Variants in MUC3A observed in about 807,000 individuals in gnomAD.
The protein encoded by MUC3A is mucin-3A.
In MUC3A, 109 loss-of-function variants were observed where a neutral mutation model predicts 109.0. That is an observed-to-expected ratio of 1.00 (90% CI 0.86 to 1.17). The LOEUF is 1.17. Ranked by LOEUF, MUC3A falls within the 50% of genes most tolerant of loss-of-function variation. The pLI, the probability that MUC3A is intolerant of heterozygous loss-of-function variation, is 0.00. For missense variants in MUC3A, 3,537 were observed against 2,469.4 expected (o/e 1.43, Z -9.16); for synonymous variants, 1,398 against 981.4 (o/e 1.42, Z -7.93).
Position 100,954,373 on chromosome 7 carries a change from C to T in MUC3A, c.2594C>T (p.Thr865Ile), listed in dbSNP as rs1345052536. Residue 865 changes from threonine (T) to isoleucine (I), a missense_variant, in exon 2 of 12, where the codon ACT becomes ATT. Transcript: ENST00000379458. Reference sequence around the variant, plus strand: ...ACAACTGTCATTCCCTCATCTCCCACTGTCCAGAATACAGAAATCTCAATC... The same window carrying T: ...ACAACTGTCATTCCCTCATCTCCCATTGTCCAGAATACAGAAATCTCAATC... ...RPTTVIPSSP[T>I]VQNTEISISV... The T allele has an allele frequency of 2.5e-6, 1 of 403,450 alleles. No homozygotes were observed. The highest frequency in any genetic ancestry group is 4.4e-6 in the Non-Finnish European group (1 of 229,540). 25.0% of individuals were successfully genotyped at this position (403,450 alleles called of 1,614,324 possible).
rs1171031869 is a variant in MUC3A at position 100,962,231 on chromosome 7, C to CAA, written c.9053-885_9053-884dup. On this transcript the variant is annotated intron_variant, in intron 3 of 11. Transcript: ENST00000379458. The stretch of plus-strand genomic sequence containing the variant: ...TGGGCGACAGAGCGAGACTCCGTCT[C>CAA]AAAAAAAAAAAAAAAAAAAAAAAAA... Among the ~76,000 whole-genome samples, 123 of 15,032 alleles carry CAA rather than the reference C, an allele frequency of 8.2e-3. 34 individuals are homozygous for CAA. The highest frequency in any genetic ancestry group is 0.01 in the Non-Finnish European group (86 of 8,350). The allele number at this position is 15,032 out of a possible 152,430, so 9.9% of individuals were successfully genotyped here. A position where few individuals can be genotyped will look rare whatever the true frequency, so the allele number is the denominator to read the frequency against.
chr7:100,957,027 A>G lies in MUC3A; in HGVS notation c.5248A>G (p.Thr1750Ala), dbSNP rs1254436073. ...ACTGACTCCTACCTCTGACATTTCC[A>G]CAGGATCTTTCAAAACAGCCGTGAG... The part of the protein sequence containing the change: ...TTLTPTSDIS[T>A]GSFKTAVSST... Residue 1750 changes from threonine (T) to alanine (A), a missense_variant, in exon 2 of 12, where the codon ACA becomes GCA. Coordinates refer to ENST00000379458, the MANE Select transcript of MUC3A (RefSeq NM_005960.2). The G allele has an allele frequency of 4.4e-6, 2 of 456,812 alleles. No homozygotes were observed. Among genetic ancestry groups the G allele is most frequent in the Non-Finnish European group, 7.7e-6 (2 of 260,654 alleles). 28.3% of individuals were successfully genotyped at this position (456,812 alleles called of 1,614,324 possible). A position where few individuals can be genotyped will look rare whatever the true frequency, so the allele number is the denominator to read the frequency against.
At chr7:100,966,997 A>G (rs1792606270) in intron 11 of MUC3A, 46 bp downstream of exon 11, 1 of 1,598,420 alleles carries the variant, frequency 6.3e-7, no homozygotes, top group Non-Finnish European at 8.5e-7. Flanking sequence ...CCCAGCCTCC[A>G]TTCCAGAATC....
Position 100,959,372 on chromosome 7 carries a change from C to G in MUC3A, c.7593C>G (p.Ser2531=). ...TRTHIISSSP[S]IQSTETSSLV... is the part of the protein sequence containing the mutation. Reference sequence around the variant, plus strand: ...CACACATCATTTCATCTTCTCCCTCCATCCAAAGTACAGAAACCTCATCCC... The same window carrying G: ...CACACATCATTTCATCTTCTCCCTCGATCCAAAGTACAGAAACCTCATCCC... The change falls in exon 2 of 12, where the codon TCC becomes TCG. Residue 2531 remains serine, a synonymous_variant. Transcript: ENST00000379458. 6.5e-7 allele frequency: 1 copy of G among 1,539,616 alleles called. No homozygotes were observed. Among genetic ancestry groups the G allele is most frequent in the Non-Finnish European group, 8.7e-7 (1 of 1,152,058 alleles).
intron 5 of MUC3A, chr7:100,964,126 T>G: frequency 2.5e-6 from 1 of 395,414 alleles, no homozygotes; most frequent in African/African-American, 2.0e-5. Context: ...CGGTGGATGA[T>G]GGCTTGATGC....
chr7:100,957,553 C>G lies in MUC3A; in HGVS notation c.5774C>G (p.Thr1925Ser). 1 of 1,570,288 alleles carries G rather than the reference C, an allele frequency of 6.4e-7. No individual in the cohort carries two copies. Among genetic ancestry groups the G allele is most frequent in the Non-Finnish European group, 8.6e-7 (1 of 1,167,590 alleles). The change falls in exon 2 of 12, where the codon ACT becomes AGT. Residue 1925 changes from threonine (T) to serine (S), a missense_variant. Transcript: ENST00000379458. Reference sequence around the variant, plus strand: ...CCCTCACACAGTACTCCCAGATTCACTTCTTCAATCACCACTACCGAGACC... The same window carrying G: ...CCCTCACACAGTACTCCCAGATTCAGTTCTTCAATCACCACTACCGAGACC... ...ETPSHSTPRF[T>S]SSITTTETPS...
At position 100,958,732 on chromosome 7, in the gene MUC3A, C is replaced by G. The variant is rs1362498806; in HGVS notation, c.6953C>G (p.Ser2318Ter). ...TCGATCACCACCACGGAGACCACCT[C>G]ACACAGTGCTCACAGCTTCACTTCT... ...TSSITTTETT[S>*]HSAHSFTSSI... The change falls in exon 2 of 12, where the codon TCA (serine) becomes TGA (stop). Residue 2318 changes from serine (S) to a stop codon, truncating the protein, a stop_gained. Transcript: ENST00000379458. LOFTEE classifies it high-confidence loss of function. 6.6e-7 allele frequency: 1 copy of G among 1,515,744 alleles called. No homozygotes were observed. The highest frequency in any genetic ancestry group is 1.8e-5 in the Admixed American group (1 of 55,974). 93.9% of individuals were successfully genotyped at this position (1,515,744 alleles called of 1,614,324 possible).
In MUC3A at chr7:100,952,346, T is replaced by A. The variant is rs748926272; in HGVS notation, c.567T>A (p.Ser189=). ...AAGGAACGTCAGCCATGACATCTTC[T>A]CCCTCTACCACCACTGCAAGGGAAA... ...TEKGTSAMTS[S]PSTTTARETP... The change falls in exon 2 of 12, where the codon TCT becomes TCA. Residue 189 remains serine, a synonymous_variant. Transcript: ENST00000379458. 1.3e-6 allele frequency: 2 copies of A among 1,598,510 alleles called. No homozygotes were observed. The highest frequency in any genetic ancestry group is 2.2e-5 in the South Asian group (2 of 91,088).
In MUC3A at chr7:100,964,854, G is replaced by C; in HGVS notation, c.9382+11G>C. ...GCCAGGACTCCCAGAGTGAGCCCAGGCTGGAGGGAGGGGCCAGGGCCTGAG... is the reference window on the plus strand; with the variant it reads ...GCCAGGACTCCCAGAGTGAGCCCAGCCTGGAGGGAGGGGCCAGGGCCTGAG... On this transcript the variant is annotated intron_variant, in intron 6 of 11. Transcript: ENST00000379458. The C allele has an allele frequency of 6.3e-7, 1 of 1,593,742 alleles. No individual in the cohort carries two copies. Among genetic ancestry groups the C allele is most frequent in the South Asian group, 1.1e-5 (1 of 90,726 alleles).
intron 8 of MUC3A, 87 bp downstream of exon 8, chr7:100,965,953 G>T: frequency 6.8e-7 from 1 of 1,478,908 alleles, no homozygotes; most frequent in East Asian, 2.4e-5. Flanking sequence ...CCCCGGCTCC[G>T]CGCCCTGGGC....
At position 100,967,192 on chromosome 7, in the gene MUC3A, C is replaced by G; in HGVS notation, c.*30C>G. 6.3e-7 allele frequency: 1 copy of G among 1,598,406 alleles called. No individual in the cohort carries two copies. Among genetic ancestry groups the G allele is most frequent in the Non-Finnish European group, 8.5e-7 (1 of 1,179,768 alleles). On this transcript the variant is annotated 3_prime_UTR_variant, in exon 12 of 12. Coordinates refer to ENST00000379458, the MANE Select transcript of MUC3A (RefSeq NM_005960.2). ...TGCGGGGCCCCTTCACCACCCCCTC[C>G]GCCCTGCCCCGGACACAAGGGTCTG...
At chr7:100,962,708 CTTTT>C (rs1023957408) in intron 3 of MUC3A, among the ~76,000 whole-genome samples, 2 of 134,312 alleles carry the variant, frequency 1.5e-5, no homozygotes, top group African/African-American at 5.6e-5. Context: ...CTTTCTCTTT[CTTTT>C]CTTTCCTTTC....
At position 100,954,805 on chromosome 7, in the gene MUC3A, C is replaced by T; in HGVS notation, c.3026C>T (p.Pro1009Leu). The T allele has an allele frequency of 9.9e-6, 4 of 404,748 alleles. No individual in the cohort carries two copies. The highest frequency in any genetic ancestry group is 1.7e-5 in the Non-Finnish European group (4 of 230,244). The allele number at this position is 404,748 out of a possible 1,614,324, so 25.1% of individuals were successfully genotyped here. The change falls in exon 2 of 12, where the codon CCC becomes CTC. Residue 1009 changes from proline to leucine, a missense_variant. Physicochemically the swap from Pro to Leu is moderately conservative, Grantham distance 98. Transcript: ENST00000379458. ...SLTTAMTSPPPVSSSITPTNT... is the reference protein window; with the variant it reads ...SLTTAMTSPPLVSSSITPTNT... Reference sequence around the variant, plus strand: ...ACAACAGCCATGACTTCTCCTCCCCCCGTCAGTTCTTCAATCACTCCCACC... The same window carrying T: ...ACAACAGCCATGACTTCTCCTCCCCTCGTCAGTTCTTCAATCACTCCCACC...
In MUC3A at chr7:100,959,480, C is replaced by A; in HGVS notation, c.7701C>A (p.Ser2567Arg). 2 of 1,580,556 alleles carry A rather than the reference C, an allele frequency of 1.3e-6. No individual in the cohort carries two copies. The highest frequency in any genetic ancestry group is 1.7e-5 in the Admixed American group (1 of 57,530). ...ITENTPISSF[S>R]TSIVVIPETP... ...AGAACACCCCAATCAGTTCCTTTAG[C>A]ACAAGTATTGTTGTTATACCTGAAA... The change falls in exon 2 of 12, where the codon AGC becomes AGA. Residue 2567 changes from serine to arginine, a missense_variant. Coordinates refer to ENST00000379458, the MANE Select transcript of MUC3A (RefSeq NM_005960.2).
chr7:100,959,567 T>G lies in MUC3A; in HGVS notation c.7788T>G (p.Pro2596=). The G allele has an allele frequency of 6.3e-7, 1 of 1,594,378 alleles. No homozygotes were observed. Among genetic ancestry groups the G allele is most frequent in the Non-Finnish European group, 8.5e-7 (1 of 1,177,588 alleles). ...CTGGGACCCAAACATCTCCTGCACC[T>G]ACTACTGTCACCTTTGGAAGTACGG... ...SATGTQTSPA[P]TTVTFGSTDS... is the part of the protein sequence containing the mutation. Residue 2596 remains proline, a synonymous_variant, in exon 2 of 12, where the codon CCT becomes CCG. Transcript: ENST00000379458.
At chr7:100,963,954 A>T in intron 5 of MUC3A, 1 of 708,210 alleles carries the variant, frequency 1.4e-6, no homozygotes, top group Non-Finnish European at 2.4e-6. Flanking sequence ...TCTCTTCTTC[A>T]GCACACTGGA....
At chr7:100,963,038 C>A in intron 3 of MUC3A, 113 bp from the exon 4 acceptor site, 1 of 1,231,536 alleles carries the variant, frequency 8.1e-7, no homozygotes, top group Non-Finnish European at 1.1e-6. Context: ...CATCAGTCCT[C>A]AGGGATCTTG....
Position 100,951,010 on chromosome 7 carries a change from T to C in MUC3A, c.62-831T>C, listed in dbSNP as rs1359681694. On this transcript the variant is annotated intron_variant, in intron 1 of 11. Coordinates refer to ENST00000379458, the MANE Select transcript of MUC3A (RefSeq NM_005960.2). ...GTGTTCTCTGGGCAGTTTTTTGTTT[T>C]TGTTTTTGTTTTTGTTTTTGATGGA... Among the ~76,000 whole-genome samples, 24 of 150,708 alleles carry C rather than the reference T, an allele frequency of 1.6e-4. No individual in the cohort carries two copies. In the South Asian group the frequency reaches 4.6e-3, roughly 29 times the overall value.
rs909138921 is a variant in MUC3A at position 100,957,256 on chromosome 7, T to C, written c.5477T>C (p.Phe1826Ser). The C allele has an allele frequency of 8.9e-4, 445 of 498,970 alleles. No homozygotes were observed. The highest frequency in any genetic ancestry group is 8.2e-3 in the African/African-American group (410 of 49,752). The allele number at this position is 498,970 out of a possible 1,614,324, so 30.9% of individuals were successfully genotyped here. The change falls in exon 2 of 12, where the codon TTC becomes TCC. Residue 1826 changes from phenylalanine (F) to serine (S), a missense_variant. Transcript: ENST00000379458. ...CCTCTATCTACATTGGTGACCACAT[T>C]CTCCAATTCCGACACCAGTTCTACA... ...TTPLSTLVTTFSNSDTSSTPT... is the reference protein window; with the variant it reads ...TTPLSTLVTTSSNSDTSSTPT...
Sources: gnomAD v4.1 joint callset for allele counts (sites outside exome capture counted in the v4.1 genomes callset) on GRCh38, gnomAD v4.1.1 for gene constraint, MANE v1.5 for transcripts, NCBI Gene and HGNC (gene_info 2026-07-23, HGNC 2026-07-21) for gene names.